ZNF892: variants seen among roughly 807,000 people sequenced by gnomAD.
The protein encoded by ZNF892 is zinc finger protein 570-like.
At chr2:95,211,748 AATTTACC>A in the ZNF892 span, 2 of 398,284 alleles carry the variant, frequency 5.0e-6, no homozygotes, top group Non-Finnish European at 8.9e-6. Flanking sequence ...AATGCCTGTG[AATTTACC>A]CAGTGTGGTA....
chr2:95,254,917 C>T, the ZNF892 span, among the ~76,000 whole-genome samples: 4 of 152,100 alleles, frequency 2.6e-5, no homozygotes, highest in Admixed American at 1.3e-4. Context: ...TCTGTGGGAT[C>T]GGTGGTGATA....
the ZNF892 span, among the ~76,000 whole-genome samples, chr2:95,234,338 C>T: frequency 2.6e-3 from 396 of 152,350 alleles, 4 homozygotes; most frequent in Middle Eastern, 0.014. Flanking sequence ...CTCTCTCTGA[C>T]ATTTTCCTAT....
chr2:95,231,510 A>G, the ZNF892 span, among the ~76,000 whole-genome samples: 7 of 152,350 alleles, frequency 4.6e-5, no homozygotes, highest in Admixed American at 3.3e-4. Context: ...TAAGATTTAC[A>G]TATGCAATGT....
At chr2:95,207,586 G>T in the ZNF892 span, 1 of 385,272 alleles carries the variant, frequency 2.6e-6, no homozygotes, top group Non-Finnish European at 4.6e-6. Context: ...TTGTCGTCGG[G>T]CTCGGCTTCC....
the ZNF892 span, among the ~76,000 whole-genome samples, chr2:95,254,770 G>A: frequency 2.7e-4 from 41 of 152,292 alleles, 1 homozygote; most frequent in South Asian, 8.3e-3. Context: ...CCTGTTGTTG[G>A]TCTATTCAGA....
chr2:95,253,337 A>G, the ZNF892 span, among the ~76,000 whole-genome samples: 4 of 152,162 alleles, frequency 2.6e-5, no homozygotes, highest in Non-Finnish European at 5.9e-5. Context: ...TTATTAAATA[A>G]GGAATCCTTT....
chr2:95,214,984 G>T, the ZNF892 span: 1 of 500,976 alleles, frequency 2.0e-6, no homozygotes, highest in East Asian at 3.1e-5. Context: ...TTTAATCAGA[G>T]TTCATACCTC....
At chr2:95,207,469 T>G in the ZNF892 span, 9 of 203,608 alleles carry the variant, frequency 4.4e-5, no homozygotes, top group East Asian at 2.2e-4. Flanking sequence ...TGGGAAGCGG[T>G]GTTGGGAGTG....
At chr2:95,230,014 G>GGT in the ZNF892 span, among the ~76,000 whole-genome samples, 5 of 151,418 alleles carry the variant, frequency 3.3e-5, no homozygotes, top group African/African-American at 1.2e-4. Flanking sequence ...ATTTTTCTGT[G>GGT]GTATATATAT....
chr2:95,234,249 A>G, the ZNF892 span, among the ~76,000 whole-genome samples: 2 of 152,228 alleles, frequency 1.3e-5, no homozygotes, highest in Non-Finnish European at 2.9e-5. Flanking sequence ...CAGGCGCTCA[A>G]TGAGGAGCAT....
the ZNF892 span, among the ~76,000 whole-genome samples, chr2:95,222,598 G>A: frequency 5.9e-5 from 9 of 152,090 alleles, no homozygotes; most frequent in Non-Finnish European, 8.8e-5. Flanking sequence ...GCATCTTTTC[G>A]TGTGCTTATT....
At chr2:95,249,602 T>G in the ZNF892 span, among the ~76,000 whole-genome samples, 1 of 152,048 alleles carries the variant, frequency 6.6e-6, no homozygotes, top group Non-Finnish European at 1.5e-5. Context: ...ACCTAGAAAG[T>G]AAACAATATT....
chr2:95,248,501 G>T, the ZNF892 span, among the ~76,000 whole-genome samples: 1 of 152,244 alleles, frequency 6.6e-6, no homozygotes, highest in Admixed American at 6.5e-5. Context: ...AACAACAGAT[G>T]AAATTATATT....
chr2:95,229,438 A>G, the ZNF892 span, among the ~76,000 whole-genome samples: 1 of 151,470 alleles, frequency 6.6e-6, no homozygotes, highest in Non-Finnish European at 1.5e-5. Flanking sequence ...AATCCACCCC[A>G]CGCCACCCCA....
chr2:95,207,233 G>A, the ZNF892 span, among the ~76,000 whole-genome samples: 2 of 152,190 alleles, frequency 1.3e-5, no homozygotes, highest in Non-Finnish European at 2.9e-5. Flanking sequence ...AGGATCCTGC[G>A]TAGGTCAAGG....
chr2:95,233,672 CAAAAAAAAAAAAAAAA>C, the ZNF892 span, among the ~76,000 whole-genome samples: 1 of 35,174 alleles, frequency 2.8e-5, no homozygotes, highest in African/African-American at 1.3e-4. Flanking sequence ...GACTCCATCT[CAAAAAAAAAAAAAAAA>C]AAAAAAAAAA....
At chr2:95,235,641 G>A in the ZNF892 span, among the ~76,000 whole-genome samples, 2 of 152,164 alleles carry the variant, frequency 1.3e-5, no homozygotes, top group African/African-American at 2.4e-5. Flanking sequence ...GATTACAGGC[G>A]TGAGCCACCA....
At chr2:95,254,663 C>T in the ZNF892 span, among the ~76,000 whole-genome samples, 1 of 152,120 alleles carries the variant, frequency 6.6e-6, no homozygotes, top group African/African-American at 2.4e-5. Flanking sequence ...ATGGTACCAG[C>T]TCCTCCTTGT....
At chr2:95,251,407 G>A in the ZNF892 span, among the ~76,000 whole-genome samples, 28 of 152,178 alleles carry the variant, frequency 1.8e-4, no homozygotes, top group African/African-American at 6.7e-4. Context: ...ATCTTCCAAG[G>A]TACACCTACT....
Sources: gnomAD v4.1 joint callset for allele counts (sites outside exome capture counted in the v4.1 genomes callset) on GRCh38, gnomAD v4.1.1 for gene constraint, MANE v1.5 for transcripts, NCBI Gene and HGNC (gene_info 2026-07-23, HGNC 2026-07-21) for gene names.